Variants in ADGRL4 observed in about 807,000 individuals in gnomAD.
ADGRL4 encodes adhesion G protein-coupled receptor L4, also known as EGF, latrophilin and seven transmembrane domain containing 1.
In ADGRL4, 90 loss-of-function variants were observed where a neutral mutation model predicts 74.8. That is an observed-to-expected ratio of 1.20 (90% CI 1.02 to 1.43). ADGRL4 has a LOEUF of 1.43. Among genes scored for constraint, ADGRL4 ranks in the 40% most tolerant of loss-of-function variants. The pLI, the probability that ADGRL4 is intolerant of heterozygous loss-of-function variation, is 0.00. For synonymous variants in ADGRL4, 311 were observed against 279.2 expected, an observed-to-expected ratio of 1.11 and a Z score of -1.14; for missense variants, 881 against 814.3, an observed-to-expected ratio of 1.08 and a Z score of -1.00.
intron 2 of ADGRL4, among the ~76,000 whole-genome samples, chr1:78,996,981 C>T (rs1650729525): frequency 6.6e-6 from 1 of 152,058 alleles, no homozygotes; most frequent in Admixed American, 6.6e-5. Flanking sequence ...TGAGTTCAAT[C>T]AAATGAAGCA....
intron 2 of ADGRL4, among the ~76,000 whole-genome samples, chr1:78,979,593 G>T (rs1602050): frequency 4.0e-5 from 6 of 151,696 alleles, no homozygotes; most frequent in Non-Finnish European, 5.9e-5. Context: ...AAAGACACAC[G>T]CACACACATG....
Position 78,987,740 on chromosome 1 carries a change from C to T in ADGRL4, c.172+17330G>A, listed in dbSNP as rs1650527480. On this transcript the variant is annotated intron_variant, in intron 2 of 14. Coordinates refer to ENST00000370742, the MANE Select transcript of ADGRL4 (RefSeq NM_022159.4). ...ATATGGAGAGTTTCTTTGCTGCTAT[C>T]TTTTCCTTTTCAATATTGCATGACT... 2.6e-5 allele frequency among the ~76,000 whole-genome samples: 4 copies of T among 151,860 alleles called. No individual in the cohort carries two copies. In the South Asian group the frequency reaches 6.2e-4, roughly 24 times the overall value.
intron 2 of ADGRL4, among the ~76,000 whole-genome samples, chr1:78,962,031 C>A (rs1371022458): frequency 6.6e-6 from 1 of 152,090 alleles, no homozygotes; most frequent in African/African-American, 2.4e-5. Context: ...CAGGCATGCG[C>A]CATCACACCT....
chr1:78,925,661 T>C (rs1649095222), intron 8 of ADGRL4, among the ~76,000 whole-genome samples: 1 of 152,052 alleles, frequency 6.6e-6, no homozygotes, highest in Non-Finnish European at 1.5e-5. Context: ...TAACAGTCAT[T>C]ACTTATTGAA....
At chr1:79,004,328 T>C (rs1046840756) in intron 2 of ADGRL4, among the ~76,000 whole-genome samples, 10 of 152,090 alleles carry the variant, frequency 6.6e-5, no homozygotes, top group Non-Finnish European at 1.2e-4. Flanking sequence ...TAAAACTAGA[T>C]TTTACTGAAA....
rs898445125 is a variant in ADGRL4 at position 78,975,632 on chromosome 1, T to A, written c.173-29206A>T. On this transcript the variant is annotated intron_variant, in intron 2 of 14. Transcript: ENST00000370742. ...CTCAGGGGTTATCTTGATATTTACA[T>A]GAATTGTTATATATAAGCTTTTAAA... 2.6e-5 allele frequency among the ~76,000 whole-genome samples: 4 copies of A among 151,970 alleles called. No individual in the cohort carries two copies. In the East Asian group the frequency reaches 5.8e-4, roughly 22 times the overall value.
chr1:78,923,650 T>G (rs577429505), intron 8 of ADGRL4, among the ~76,000 whole-genome samples: 1 of 151,894 alleles, frequency 6.6e-6, no homozygotes, highest in Non-Finnish European at 1.5e-5. Context: ...TTTAAAAAAA[T>G]ATATAAATAA....
intron 3 of ADGRL4, among the ~76,000 whole-genome samples, chr1:78,945,646 T>G (rs1443934028): frequency 6.6e-6 from 1 of 152,124 alleles, no homozygotes; most frequent in Non-Finnish European, 1.5e-5. Context: ...ATTGTCTAGG[T>G]ACTCCCTTCA....
chr1:78,927,626 T>A (rs762405652), intron 7 of ADGRL4, among the ~76,000 whole-genome samples: 1 of 152,120 alleles, frequency 6.6e-6, no homozygotes, highest in Non-Finnish European at 1.5e-5. Flanking sequence ...AGAAAACTTA[T>A]TTGCTTGAGA....
intron 2 of ADGRL4, among the ~76,000 whole-genome samples, chr1:78,983,820 G>A (rs775911005): frequency 4.0e-5 from 6 of 151,810 alleles, no homozygotes; most frequent in Non-Finnish European, 7.4e-5. Flanking sequence ...AGAAAAAGTA[G>A]ATTGCCTACG....
At chr1:78,946,474 A>G in intron 2 of ADGRL4, 48 bp from the exon 3 acceptor site, 1 of 1,465,026 alleles carries the variant, frequency 6.8e-7, no homozygotes, top group Non-Finnish European at 9.2e-7. Flanking sequence ...ATTGACATAA[A>G]TTTTGACTAT....
chr1:78,916,037 T>A (rs1358196356), intron 12 of ADGRL4, among the ~76,000 whole-genome samples: 1 of 151,840 alleles, frequency 6.6e-6, no homozygotes, highest in East Asian at 1.9e-4. Flanking sequence ...ATAAATTGGC[T>A]CACTAGCTCC....
rs200276856 is a variant in ADGRL4, at chr1:78,997,760, T to TA, written c.172+7309dup. On this transcript the variant is annotated intron_variant, in intron 2 of 14. Coordinates refer to ENST00000370742, the MANE Select transcript of ADGRL4 (RefSeq NM_022159.4). ...TTAAATGACTCTCATATTTATAATT[T>TA]AAAAAAAAATGTGATTATCACAGGT... 3.1e-4 allele frequency among the ~76,000 whole-genome samples: 47 copies of TA among 151,588 alleles called. 1 individual carries two copies. Among genetic ancestry groups the TA allele is most frequent in the Admixed American group, 9.2e-4 (14 of 15,234 alleles).
chr1:78,965,741 G>T (rs568416678), intron 2 of ADGRL4, among the ~76,000 whole-genome samples: 23 of 152,100 alleles, frequency 1.5e-4, no homozygotes, highest in Non-Finnish European at 2.8e-4. Flanking sequence ...AATATTAAAA[G>T]AAACCTTTAA....
intron 2 of ADGRL4, among the ~76,000 whole-genome samples, chr1:78,968,657 GGTGTCT>G (rs1650108135): frequency 6.6e-6 from 1 of 152,082 alleles, no homozygotes; most frequent in Non-Finnish European, 1.5e-5. Context: ...CACCTTCTTT[GGTGTCT>G]GTGAGGAGCC....
intron 2 of ADGRL4, among the ~76,000 whole-genome samples, chr1:78,969,235 G>A (rs1483024509): frequency 1.3e-5 from 2 of 152,170 alleles, no homozygotes; most frequent in East Asian, 3.8e-4. Flanking sequence ...ATTTGCAACA[G>A]TGCAATAAGA....
intron 7 of ADGRL4, among the ~76,000 whole-genome samples, chr1:78,934,342 C>T (rs202206295): frequency 6.6e-6 from 1 of 152,126 alleles, no homozygotes; most frequent in East Asian, 1.9e-4. Flanking sequence ...GTAAAACTGG[C>T]TAGCCATATG....
chr1:78,998,259 T>G (rs1176432918), intron 2 of ADGRL4, among the ~76,000 whole-genome samples: 4 of 152,058 alleles, frequency 2.6e-5, no homozygotes, highest in African/African-American at 9.7e-5. Context: ...ATTGCTTTTT[T>G]TTTTTTTTCA....
chr1:78,914,684 G>A (rs1201361114), intron 12 of ADGRL4, among the ~76,000 whole-genome samples: 4 of 151,586 alleles, frequency 2.6e-5, no homozygotes, highest in African/African-American at 9.7e-5. Context: ...ACATGCCATA[G>A]CTTTTAGTAA....
Sources: allele counts gnomAD v4.1 joint callset (sites outside exome capture counted in the v4.1 genomes callset), GRCh38; gene constraint gnomAD v4.1.1; transcripts MANE v1.5; gene names NCBI Gene and HGNC (gene_info 2026-07-23, HGNC 2026-07-21).